GLI1: variants seen among roughly 807,000 people sequenced by gnomAD.
The protein encoded by GLI1 is transcription activator GLI1.
In GLI1, 51 loss-of-function variants were observed where a neutral mutation model predicts 87.8. That is an observed-to-expected ratio of 0.58 (90% CI 0.46 to 0.73). The LOEUF (loss-of-function observed/expected upper bound fraction) is 0.73, where lower values mean the gene tolerates loss of function less well. Ranked by LOEUF, GLI1 falls within the 30% of genes least tolerant of loss-of-function variation. The probability of loss-of-function intolerance (pLI) is 0.00; values close to 1 mark genes in which losing one functional copy is unlikely to be tolerated. For missense variants in GLI1, 1,292 were observed against 1,437.2 expected (o/e 0.90, Z 1.63); for synonymous variants, 528 against 558.2 (o/e 0.95, Z 0.76).
intron 9 of GLI1, 27 bp downstream of exon 9, chr12:57,467,524 C>A (rs201324083): frequency 6.4e-7 from 1 of 1,564,262 alleles, no homozygotes; most frequent in Non-Finnish European, 8.7e-7. Flanking sequence ...AGCGACCCTC[C>A]CCTCTTGAGA....
chr12:57,462,684 A>G (rs1318662335), intron 1 of GLI1, among the ~76,000 whole-genome samples: 7 of 152,184 alleles, frequency 4.6e-5, no homozygotes, highest in African/African-American at 7.2e-5. Context: ...ACCCCAGAAT[A>G]ACACCAGCTT....
chr12:57,464,217 C>G, intron 3 of GLI1, 126 bp downstream of exon 3: 1 of 728,632 alleles, frequency 1.4e-6, no homozygotes, highest in Non-Finnish European at 2.4e-6. Context: ...GTCAGAGCAC[C>G]ATCAAGAAGT....
intron 8 of GLI1, among the ~76,000 whole-genome samples, chr12:57,467,025 C>A (rs1871533796): frequency 6.6e-6 from 1 of 152,204 alleles, no homozygotes; most frequent in South Asian, 2.1e-4. Flanking sequence ...TCAAGGACAA[C>A]AGCCCGTTCC....
Position 57,464,821 on chromosome 12 carries a change from C to T in GLI1, c.342C>T (p.Cys114=). ...TCGTAGCTTTCATCAACTCGCGATG[C>T]ACATCTCCAGGAGGCTCCTACGGTC... ...SSLVAFINSR[C]TSPGGSYGHL... is the part of the protein sequence containing the mutation. Residue 114 remains cysteine, a synonymous_variant, in exon 4 of 12, where the codon TGC becomes TGT. Transcript: ENST00000228682. 1 of 1,614,060 alleles carries T rather than the reference C, an allele frequency of 6.2e-7. No homozygotes were observed. The highest frequency in any genetic ancestry group is 1.1e-5 in the South Asian group (1 of 91,084).
rs758888293 is a variant in GLI1, at chr12:57,470,531, AG to A, written c.1796del (p.Gly599ValfsTer14). On this transcript the variant is annotated frameshift_variant, in exon 12 of 12. Transcript: ENST00000228682. LOFTEE classifies it high-confidence loss of function. The part of the protein sequence containing the change: ...LLRARYASAR[G>X]GGTSPTAASS... ...TTCGGGCAAGATATGCTTCAGCCAG[AG>A]GGGGTGGTACTTCGCCCACTGCAGC... The A allele has an allele frequency of 6.2e-7, 1 of 1,613,914 alleles. No individual in the cohort carries two copies. Among genetic ancestry groups the A allele is most frequent in the Non-Finnish European group, 8.5e-7 (1 of 1,179,966 alleles).
rs916235282 is a variant in GLI1 at position 57,460,039 on chromosome 12, G to C, written c.-190G>C. 1 of 151,080 alleles carries C rather than the reference G, an allele frequency of 6.6e-6. No homozygotes were observed. The highest frequency in any genetic ancestry group is 1.5e-5 in the Non-Finnish European group (1 of 67,632). 9.4% of individuals were successfully genotyped at this position (151,080 alleles called of 1,614,324 possible). A position where few individuals can be genotyped will look rare whatever the true frequency, so the allele number is the denominator to read the frequency against. ...CGCGGGTGGTCCGGGCTTGCGGCCC[G>C]GCGGGCTGGGCCGGCGGGAGGGCTG... On this transcript the variant is annotated 5_prime_UTR_variant, in exon 1 of 12. Transcript: ENST00000228682.
intron 7 of GLI1, 106 bp downstream of exon 7, chr12:57,466,031 T>G (rs534793032): frequency 1.9e-5 from 22 of 1,176,682 alleles, no homozygotes; most frequent in Non-Finnish European, 2.7e-5. Context: ...GAGACTGAGG[T>G]TGAATGCTCA....
At position 57,471,776 on chromosome 12, in the gene GLI1, T is replaced by C; in HGVS notation, c.3036T>C (p.Gly1012=). The change falls in exon 12 of 12, where the codon GGT becomes GGC. Residue 1012 remains glycine (G), a synonymous_variant. Coordinates refer to ENST00000228682, the MANE Select transcript of GLI1 (RefSeq NM_005269.3). The surrounding 1 kb of genome is among the most constrained non-coding windows in gnomAD (Gnocchi z 4.9). Reference sequence around the variant, plus strand: ...TGGGAGGCACAAACCCCAGCTGTGGTCATCCTGAGGTGGGCAGGCTAGGAG... The same window carrying C: ...TGGGAGGCACAAACCCCAGCTGTGGCCATCCTGAGGTGGGCAGGCTAGGAG... ...LKVGGTNPSC[G]HPEVGRLGGG... is the part of the protein sequence containing the mutation. 1.3e-6 allele frequency: 2 copies of C among 1,565,392 alleles called. No individual in the cohort carries two copies. Among genetic ancestry groups the C allele is most frequent in the African/African-American group, 2.7e-5 (2 of 73,784 alleles).
Position 57,471,781 on chromosome 12 carries a change from C to T in GLI1, c.3041C>T (p.Pro1014Leu). 1.3e-6 allele frequency: 2 copies of T among 1,564,358 alleles called. No homozygotes were observed. The highest frequency in any genetic ancestry group is 1.7e-6 in the Non-Finnish European group (2 of 1,154,714). ...VGGTNPSCGH[P>L]EVGRLGGGPA... Reference sequence around the variant, plus strand: ...GGCACAAACCCCAGCTGTGGTCATCCTGAGGTGGGCAGGCTAGGAGGGGGT... The same window carrying T: ...GGCACAAACCCCAGCTGTGGTCATCTTGAGGTGGGCAGGCTAGGAGGGGGT... Residue 1014 changes from proline to leucine, a missense_variant, in exon 12 of 12, where the codon CCT becomes CTT. Physicochemically the swap from Pro to Leu is moderately conservative, Grantham distance 98. Around this residue, in one of 3 missense-constraint regions of GLI1, gnomAD observed 897 missense variants for 1,040.7 expected, o/e 0.86. Coordinates refer to ENST00000228682, the MANE Select transcript of GLI1 (RefSeq NM_005269.3). This position sits in a 1 kb window ranked among gnomAD's most constrained non-coding sequence, Gnocchi z 4.9.
Position 57,470,561 on chromosome 12 carries a change from C to T in GLI1, c.1821C>T (p.Ser607=). Residue 607 remains serine, a synonymous_variant, in exon 12 of 12, where the codon TCC becomes TCT. Coordinates refer to ENST00000228682, the MANE Select transcript of GLI1 (RefSeq NM_005269.3). ...RGGGTSPTAA[S]SLDRIGGLPM... is the part of the protein sequence containing the mutation. Reference sequence around the variant, plus strand: ...GTGGTACTTCGCCCACTGCAGCATCCAGCCTGGATCGGATAGGTGGTCTTC... The same window carrying T: ...GTGGTACTTCGCCCACTGCAGCATCTAGCCTGGATCGGATAGGTGGTCTTC... The T allele has an allele frequency of 6.2e-7, 1 of 1,614,122 alleles. No individual in the cohort carries two copies. The highest frequency in any genetic ancestry group is 1.7e-4 in the Middle Eastern group (1 of 6,060).
At chr12:57,465,485 T>G in intron 5 of GLI1, 122 bp from the exon 6 acceptor site, 1 of 854,882 alleles carries the variant, frequency 1.2e-6, no homozygotes, top group Middle Eastern at 2.4e-4. Context: ...GGAAGTCCCT[T>G]CCAAACCCAG....
rs202066753 is a variant in GLI1, at chr12:57,465,181, T to C, written c.460T>C (p.Cys154Arg). The change falls in exon 5 of 12, where the codon TGT (cysteine) becomes CGT (arginine). Residue 154 changes from cysteine to arginine, a missense_variant. By Grantham distance (180) the Cys-to-Arg change is radical. Around this residue, in one of 3 missense-constraint regions of GLI1, gnomAD observed 383 missense variants for 368.4 expected, o/e 1.04. Coordinates refer to ENST00000228682, the MANE Select transcript of GLI1 (RefSeq NM_005269.3). Reference protein sequence around the residue: ...GPSPSFGVQPCGPHDSARGGM... With the variant: ...GPSPSFGVQPRGPHDSARGGM... Reference sequence around the variant, plus strand: ...CTCGCCTTCCTTTGGGGTCCAGCCTTGTGGTCCCCATGACTCTGCCCGGGG... The same window carrying C: ...CTCGCCTTCCTTTGGGGTCCAGCCTCGTGGTCCCCATGACTCTGCCCGGGG... 6.4e-5 allele frequency: 103 copies of C among 1,613,516 alleles called. No homozygotes were observed. Among genetic ancestry groups the C allele is most frequent in the East Asian group, 1.8e-4 (8 of 44,872 alleles).
chr12:57,461,757 A>G (rs1451150065), intron 1 of GLI1, among the ~76,000 whole-genome samples: 7 of 149,120 alleles, frequency 4.7e-5, no homozygotes, highest in Non-Finnish European at 8.9e-5. Flanking sequence ...CCGAGGAGGC[A>G]CGGGGGCGGG....
rs1162768452 is a variant in GLI1, at chr12:57,465,462, T to A, written c.535-145T>A. 6.5e-6 allele frequency: 5 copies of A among 766,436 alleles called. No homozygotes were observed. In the African/African-American group the frequency reaches 7.0e-5, roughly 11 times the overall value. The allele number at this position is 766,436 out of a possible 1,614,324, so 47.5% of individuals were successfully genotyped here. A position where few individuals can be genotyped will look rare whatever the true frequency, so the allele number is the denominator to read the frequency against. ...ACCTTTTGCCCATCCCATTCACCAG[T>A]GTAGTCTGAGGAGGAAGTCCCTTCC... On this transcript the variant is annotated intron_variant, in intron 5 of 11. Transcript: ENST00000228682.
In GLI1 at chr12:57,470,624, A is replaced by C. The variant is rs1324916083; in HGVS notation, c.1884A>C (p.Gly628=). 4 of 1,613,880 alleles carry C rather than the reference A, an allele frequency of 2.5e-6. No homozygotes were observed. In the Admixed American group the frequency reaches 5.0e-5, roughly 20 times the overall value. Residue 628 remains glycine (G), a synonymous_variant, in exon 12 of 12, where the codon GGA becomes GGC. Transcript: ENST00000228682. ...GGAGAAGCCGAGCCGAGTATCCAGG[A>C]TACAACCCCAATGCAGGGGTCACCC... ...PPWRSRAEYP[G]YNPNAGVTRR... is the part of the protein sequence containing the mutation.
In GLI1 at chr12:57,471,518, G is replaced by C; in HGVS notation, c.2778G>C (p.Gln926His). ...EDAPAQEPSY[Q>H]SPKFLGGSQV... ...CCCCCGCCCAGGAACCTTCCTACCA[G>C]AGTCCCAAGTTTCTGGGGGGTTCCC... The change falls in exon 12 of 12, where the codon CAG becomes CAC. Residue 926 changes from glutamine to histidine, a missense_variant. Physicochemically the swap from Gln to His is conservative, Grantham distance 24 (BLOSUM62 0). Transcript: ENST00000228682. This position sits in a 1 kb window ranked among gnomAD's most constrained non-coding sequence, Gnocchi z 4.9. 2 of 1,612,490 alleles carry C rather than the reference G, an allele frequency of 1.2e-6. No individual in the cohort carries two copies. Among genetic ancestry groups the C allele is most frequent in the Non-Finnish European group, 1.7e-6 (2 of 1,179,380 alleles).
chr12:57,470,831 C>A lies in GLI1; in HGVS notation c.2091C>A (p.Ala697=). 6.2e-7 allele frequency: 1 copy of A among 1,609,844 alleles called. No individual in the cohort carries two copies. Among genetic ancestry groups the A allele is most frequent in the Admixed American group, 1.7e-5 (1 of 59,588 alleles). ...PQPPSITENA[A]MDARGLQEEP... is the part of the protein sequence containing the mutation. ...CCCCCAGCATCACTGAGAATGCTGC[C>A]ATGGATGCTAGAGGGCTACAGGAAG... is the stretch of plus-strand genomic sequence containing the variant. The change falls in exon 12 of 12, where the codon GCC becomes GCA. Residue 697 remains alanine, a synonymous_variant. Coordinates refer to ENST00000228682, the MANE Select transcript of GLI1 (RefSeq NM_005269.3).
At chr12:57,464,411 A>G (rs1871338752) in intron 3 of GLI1, among the ~76,000 whole-genome samples, 1 of 152,092 alleles carries the variant, frequency 6.6e-6, no homozygotes, top group Non-Finnish European at 1.5e-5. Context: ...AGTGCCGATT[A>G]CAGGGGAGGC....
At chr12:57,464,599 T>TCAGGACC in intron 3 of GLI1, 74 bp from the exon 4 acceptor site, 1 of 1,057,378 alleles carries the variant, frequency 9.5e-7, no homozygotes. Flanking sequence ...TTTTGCCAAG[T>TCAGGACC]CAGGACCCAT....
Sources: allele counts gnomAD v4.1 joint callset (sites outside exome capture counted in the v4.1 genomes callset), GRCh38; gene constraint gnomAD v4.1.1; regional missense constraint gnomAD v4.1.1; non-coding constraint Gnocchi (gnomAD v3.1); transcripts MANE v1.5; gene names NCBI Gene and HGNC (gene_info 2026-07-23, HGNC 2026-07-21).